NELL1: variants seen among roughly 807,000 people sequenced by gnomAD.
NELL1 encodes the protein neural EGFL like 1, also known as protein kinase C-binding protein NELL1.
Under a neutral mutation model 107.4 loss-of-function variants are expected in NELL1, and 76 were observed. The observed-to-expected ratio is 0.71, with a 90% CI of 0.59 to 0.86. The LOEUF is 0.86. Ranked by LOEUF, NELL1 falls within the 40% of genes least tolerant of loss-of-function variation. The pLI is 0.00. For synonymous variants in NELL1, 353 were observed against 341.2 expected (o/e 1.03, Z -0.38); for missense variants, 1,024 against 1,005.5 (o/e 1.02, Z -0.25).
chr11:21,227,530 A>G (rs1042988901), intron 13 of NELL1, among the ~76,000 whole-genome samples: 1 of 151,834 alleles, frequency 6.6e-6, no homozygotes, highest in East Asian at 1.9e-4. Context: ...GAGGCTGAAA[A>G]CTCTTGGAGT....
At chr11:21,127,381 G>A (rs536775423) in intron 13 of NELL1, among the ~76,000 whole-genome samples, 1 of 152,202 alleles carries the variant, frequency 6.6e-6, no homozygotes, top group African/African-American at 2.4e-5. Flanking sequence ...GAATCATTGA[G>A]GCTAGGCATT....
rs1351335085 is a variant in NELL1, at chr11:21,534,470, T to A, written c.1742T>A (p.Phe581Tyr). Reference sequence around the variant, plus strand: ...TACCACTGTGAGTGCAGAAGCGGTTTCCATGACGATGGGACCTATTCACTG... The same window carrying A: ...TACCACTGTGAGTGCAGAAGCGGTTACCATGACGATGGGACCTATTCACTG... The part of the protein sequence containing the change: ...GWYHCECRSG[F>Y]HDDGTYSLSG... The change falls in exon 16 of 20, where the codon TTC (phenylalanine) becomes TAC (tyrosine). Residue 581 changes from phenylalanine (F) to tyrosine (Y), a missense_variant. Physicochemically the swap from Phe to Tyr is conservative, Grantham distance 22 (BLOSUM62 3). Transcript: ENST00000357134. 6.2e-7 allele frequency: 1 copy of A among 1,613,880 alleles called. No homozygotes were observed. Among genetic ancestry groups the A allele is most frequent in the African/African-American group, 1.3e-5 (1 of 75,028 alleles).
chr11:21,505,423 C>G (rs1376556979), intron 15 of NELL1, among the ~76,000 whole-genome samples: 2 of 152,108 alleles, frequency 1.3e-5, no homozygotes, highest in African/African-American at 2.4e-5. Context: ...CCATTATCTA[C>G]TGGATGGTGA....
chr11:21,009,656 A>G (rs926498486), intron 12 of NELL1, among the ~76,000 whole-genome samples: 6 of 152,092 alleles, frequency 3.9e-5, no homozygotes, highest in Non-Finnish European at 8.8e-5. Flanking sequence ...TCTTAGGGAC[A>G]GGATTATATT....
At chr11:20,972,671 G>C (rs1298826156) in intron 12 of NELL1, among the ~76,000 whole-genome samples, 2 of 152,154 alleles carry the variant, frequency 1.3e-5, no homozygotes, top group South Asian at 2.1e-4. Flanking sequence ...AGTGTTGAGC[G>C]CAGAGAGAAA....
intron 14 of NELL1, among the ~76,000 whole-genome samples, chr11:21,275,335 C>T: frequency 6.6e-6 from 1 of 152,146 alleles, no homozygotes; most frequent in East Asian, 1.9e-4. Flanking sequence ...ATACACCCTC[C>T]TGAGACTAAA....
At chr11:20,746,301 C>G (rs986175829) in intron 2 of NELL1, among the ~76,000 whole-genome samples, 1 of 152,144 alleles carries the variant, frequency 6.6e-6, no homozygotes, top group African/African-American at 2.4e-5. Flanking sequence ...CCAAGTTTTT[C>G]AAGAACTCTA....
intron 2 of NELL1, among the ~76,000 whole-genome samples, chr11:20,710,068 T>TA (rs906355538): frequency 5.1e-4 from 78 of 152,326 alleles, no homozygotes; most frequent in African/African-American, 1.6e-3. Context: ...TTGCTCTGGC[T>TA]AGGACTTCCA....
At chr11:20,832,968 CCTCATATCCCACTGAACG>C (rs1361383309) in intron 3 of NELL1, among the ~76,000 whole-genome samples, 2 of 152,152 alleles carry the variant, frequency 1.3e-5, no homozygotes, top group Non-Finnish European at 2.9e-5. Context: ...TGGTGGCTGG[CCTCATATCCCACTGAACG>C]CTCTGCTAAT....
At chr11:21,505,142 A>G (rs1417945281) in intron 15 of NELL1, among the ~76,000 whole-genome samples, 3 of 152,214 alleles carry the variant, frequency 2.0e-5, no homozygotes, top group Admixed American at 6.5e-5. Flanking sequence ...TGCTACCACA[A>G]TAAATTATGA....
chr11:21,507,343 G>T (rs1425158294), intron 15 of NELL1, among the ~76,000 whole-genome samples: 1 of 152,184 alleles, frequency 6.6e-6, no homozygotes, highest in African/African-American at 2.4e-5. Flanking sequence ...AGCCTCTTGT[G>T]ACATTTGGCA....
chr11:21,257,352 G>C (rs1858795517), intron 14 of NELL1, among the ~76,000 whole-genome samples: 1 of 152,014 alleles, frequency 6.6e-6, no homozygotes, highest in Non-Finnish European at 1.5e-5. Context: ...AGGAAATGTA[G>C]TTAGGATTTT....
chr11:21,498,223 A>T (rs554253215), intron 15 of NELL1, among the ~76,000 whole-genome samples: 6 of 151,088 alleles, frequency 4.0e-5, no homozygotes, highest in Non-Finnish European at 8.9e-5. Flanking sequence ...TCTTGACTCT[A>T]TTCCTTCTAC....
chr11:21,534,049 A>T (rs1394643621), intron 15 of NELL1, among the ~76,000 whole-genome samples: 1 of 152,200 alleles, frequency 6.6e-6, no homozygotes, highest in Non-Finnish European at 1.5e-5. Context: ...AATCCAAAAA[A>T]AAAGTCATAT....
chr11:21,146,438 T>C (rs1422768886), intron 13 of NELL1, among the ~76,000 whole-genome samples: 4 of 152,114 alleles, frequency 2.6e-5, no homozygotes, highest in African/African-American at 9.7e-5. Context: ...GCCGGGGTCA[T>C]GGAGCTGAGG....
chr11:20,787,082 A>G (rs990583060), intron 3 of NELL1, among the ~76,000 whole-genome samples: 1 of 151,622 alleles, frequency 6.6e-6, no homozygotes, highest in African/African-American at 2.4e-5. Flanking sequence ...ACCATGAAAG[A>G]CAAGTACGAA....
chr11:20,681,211 G>C (rs1854182927), intron 2 of NELL1, among the ~76,000 whole-genome samples: 1 of 151,988 alleles, frequency 6.6e-6, no homozygotes, highest in Non-Finnish European at 1.5e-5. Flanking sequence ...ACTCCTTTTT[G>C]CTTAACAGCT....
intron 14 of NELL1, among the ~76,000 whole-genome samples, chr11:21,352,633 G>A (rs1239465816): frequency 1.3e-5 from 2 of 152,102 alleles, no homozygotes; most frequent in Non-Finnish European, 2.9e-5. Context: ...ATTGGGGATG[G>A]CCCTTAATTG....
chr11:21,210,783 C>T (rs185290173), intron 13 of NELL1, among the ~76,000 whole-genome samples: 14 of 152,198 alleles, frequency 9.2e-5, no homozygotes, highest in Non-Finnish European at 1.3e-4. Flanking sequence ...ATGGGGATAT[C>T]AACATGTCTT....
Sources: gnomAD v4.1 joint callset for allele counts (sites outside exome capture counted in the v4.1 genomes callset) on GRCh38, gnomAD v4.1.1 for gene constraint, MANE v1.5 for transcripts, NCBI Gene and HGNC (gene_info 2026-07-23, HGNC 2026-07-21) for gene names.